Variants in KSR2 observed in about 807,000 individuals in gnomAD.
KSR2 encodes kinase suppressor of ras 2.
In KSR2, 25 loss-of-function variants were observed where a neutral mutation model predicts 107.8. The observed-to-expected ratio is 0.23, with a 90% CI of 0.17 to 0.32. KSR2 has a LOEUF of 0.32. Among genes scored for constraint, KSR2 ranks in the 10% least tolerant of loss-of-function variants. The pLI is 1.00. For missense variants in KSR2, 887 were observed against 1,268.9 expected (o/e 0.70, Z 4.57); for synonymous variants, 480 against 507.0 (o/e 0.95, Z 0.71).
intron 14 of KSR2, among the ~76,000 whole-genome samples, chr12:117,503,438 G>C (rs752817811): frequency 2.6e-5 from 4 of 152,172 alleles, no homozygotes; most frequent in Non-Finnish European, 4.4e-5. Flanking sequence ...TTATTGGCCT[G>C]GTTGGGGTAT....
intron 3 of KSR2, among the ~76,000 whole-genome samples, chr12:117,792,981 T>C: frequency 9.0e-6 from 1 of 111,288 alleles, no homozygotes; most frequent in African/African-American, 3.6e-5. Context: ...GCACACACTC[T>C]CACACCAACA....
intron 1 of KSR2, among the ~76,000 whole-genome samples, chr12:117,959,180 A>G (rs1197754097): frequency 6.6e-6 from 1 of 152,220 alleles, no homozygotes; most frequent in African/African-American, 2.4e-5. Flanking sequence ...TTCATGGTCT[A>G]TTAAGTGAAC....
rs141715886 is a variant in KSR2, at chr12:117,519,687, C to A, written c.2219+5165G>T. ...AGGGAAAGATAGAGTGTGTGCATTTCTTTGAGGGGATGTGGGAAAGAGAAC... is the reference window on the plus strand; with the variant it reads ...AGGGAAAGATAGAGTGTGTGCATTTATTTGAGGGGATGTGGGAAAGAGAAC... On this transcript the variant is annotated intron_variant, in intron 14 of 19. Transcript: ENST00000339824. Among the ~76,000 whole-genome samples the A allele has an allele frequency of 5.7e-4, 87 of 151,840 alleles. 1 individual carries two copies. The highest frequency in any genetic ancestry group is 1.8e-3 in the African/African-American group (75 of 41,382).
At chr12:117,850,724 G>A (rs1191778831) in intron 3 of KSR2, among the ~76,000 whole-genome samples, 1 of 151,268 alleles carries the variant, frequency 6.6e-6, no homozygotes, top group Non-Finnish European at 1.5e-5. Context: ...TGGGGGGATC[G>A]CTTGACCCCA....
intron 1 of KSR2, among the ~76,000 whole-genome samples, chr12:117,952,306 C>T (rs1310115665): frequency 6.6e-6 from 1 of 152,098 alleles, no homozygotes; most frequent in East Asian, 1.9e-4. Flanking sequence ...ACCTTAAATA[C>T]ACACAATTTT....
intron 1 of KSR2, among the ~76,000 whole-genome samples, chr12:117,912,032 A>T (rs947923454): frequency 1.3e-5 from 2 of 152,244 alleles, no homozygotes; most frequent in African/African-American, 4.8e-5. Context: ...CATTGAAAAC[A>T]TATCACCGAC....
At chr12:117,538,401 G>A (rs1876204948) in intron 10 of KSR2, among the ~76,000 whole-genome samples, 1 of 152,126 alleles carries the variant, frequency 6.6e-6, no homozygotes, top group Non-Finnish European at 1.5e-5. Context: ...GTGGGCAGGT[G>A]CTGTGATTGG....
At chr12:117,615,695 G>A (rs1488445447) in intron 5 of KSR2, among the ~76,000 whole-genome samples, 3 of 152,110 alleles carry the variant, frequency 2.0e-5, no homozygotes, top group South Asian at 2.1e-4. Flanking sequence ...TTTCGGCCTC[G>A]GTCAAGCCTT....
At chr12:117,551,347 C>G (rs1308617479) in intron 9 of KSR2, among the ~76,000 whole-genome samples, 1 of 152,140 alleles carries the variant, frequency 6.6e-6, no homozygotes, top group Non-Finnish European at 1.5e-5. Flanking sequence ...TCTTCTTCAT[C>G]ATCAAGCTAC....
At chr12:117,906,661 T>C (rs1252207914) in intron 1 of KSR2, among the ~76,000 whole-genome samples, 1 of 152,060 alleles carries the variant, frequency 6.6e-6, no homozygotes, top group East Asian at 1.9e-4. Flanking sequence ...AGGTACAATC[T>C]TTTGATGTGC....
At position 117,460,328 on chromosome 12, in the gene KSR2, G is replaced by C. The variant is rs565297787; in HGVS notation, c.*6871C>G. On this transcript the variant is annotated 3_prime_UTR_variant, in exon 20 of 20. Transcript: ENST00000339824. ...TGATCCCAATGAGTGGGAAGGAAGGGCCCTTTCCCACCCCTGAGAGGGAAG... is the reference window on the plus strand; with the variant it reads ...TGATCCCAATGAGTGGGAAGGAAGGCCCCTTTCCCACCCCTGAGAGGGAAG... 1 of 152,246 alleles carries C rather than the reference G, an allele frequency of 6.6e-6. No homozygotes were observed. Among genetic ancestry groups the C allele is most frequent in the African/African-American group, 2.4e-5 (1 of 41,534 alleles). The allele number at this position is 152,246 out of a possible 1,614,324, so 9.4% of individuals were successfully genotyped here. A position where few individuals can be genotyped will look rare whatever the true frequency, so the allele number is the denominator to read the frequency against.
rs554908535 is a variant in KSR2, at chr12:117,801,886, G to A, written c.473-40362C>T. On this transcript the variant is annotated intron_variant, in intron 3 of 19. Transcript: ENST00000339824. ...GGCCTGGGATTCCCAAGAGGCCCTG[G>A]GGCTGAAGAATTGTATATGACCAGG... Among the ~76,000 whole-genome samples, 242 of 152,134 alleles carry A rather than the reference G, an allele frequency of 1.6e-3. 1 individual carries two copies. Among genetic ancestry groups the A allele is most frequent in the African/African-American group, 5.5e-3 (229 of 41,484 alleles).
At chr12:117,672,181 C>A (rs1884939830) in intron 4 of KSR2, among the ~76,000 whole-genome samples, 1 of 152,224 alleles carries the variant, frequency 6.6e-6, no homozygotes, top group East Asian at 1.9e-4. Flanking sequence ...TCATCCCACG[C>A]AAATGCTCAA....
At chr12:117,947,191 G>GAAAAGAAAAGAAAAGA (rs796859926) in intron 1 of KSR2, among the ~76,000 whole-genome samples, 2 of 107,450 alleles carry the variant, frequency 1.9e-5, no homozygotes, top group Non-Finnish European at 3.8e-5. Context: ...AGAAAGAAAA[G>GAAAAGAAAAGAAAAGA]AAAGAAAAGA....
chr12:117,523,876 G>T (rs1205054774), intron 14 of KSR2, among the ~76,000 whole-genome samples: 6 of 152,168 alleles, frequency 3.9e-5, no homozygotes, highest in Non-Finnish European at 8.8e-5. Context: ...GGTGGCTGAG[G>T]CAGGAGAATC....
At chr12:117,638,008 T>A (rs969327902) in intron 5 of KSR2, among the ~76,000 whole-genome samples, 2 of 152,188 alleles carry the variant, frequency 1.3e-5, no homozygotes, top group South Asian at 4.1e-4. Context: ...ATTCATAGAA[T>A]GAAGTGTTAC....
chr12:117,841,316 A>T (rs932689958), intron 3 of KSR2, among the ~76,000 whole-genome samples: 2 of 152,132 alleles, frequency 1.3e-5, no homozygotes, highest in African/African-American at 4.8e-5. Flanking sequence ...TTCAAACATA[A>T]TCATGCGCCC....
chr12:117,664,836 G>A (rs552193887), intron 5 of KSR2, among the ~76,000 whole-genome samples: 1 of 152,124 alleles, frequency 6.6e-6, no homozygotes, highest in African/African-American at 2.4e-5. Context: ...GGGAATTCTA[G>A]CACCTGCCTC....
chr12:117,859,428 T>A (rs1315001046), intron 2 of KSR2, among the ~76,000 whole-genome samples: 1 of 146,512 alleles, frequency 6.8e-6, no homozygotes, highest in Non-Finnish European at 1.5e-5. Flanking sequence ...CCACCGCGCC[T>A]GGCCTGTTTT....
Sources: gnomAD v4.1 joint callset for allele counts (sites outside exome capture counted in the v4.1 genomes callset) on GRCh38, gnomAD v4.1.1 for gene constraint, MANE v1.5 for transcripts, NCBI Gene and HGNC (gene_info 2026-07-23, HGNC 2026-07-21) for gene names.